Variants in ASIC2 observed in about 807,000 individuals in gnomAD.
The protein encoded by ASIC2 is acid sensing ion channel subunit 2.
ASIC2 carries 25 observed loss-of-function variants against 57.3 expected under a neutral mutation model. The observed-to-expected ratio is 0.44, with a 90% confidence interval of 0.32 to 0.61. The LOEUF (loss-of-function observed/expected upper bound fraction) is 0.61. Among genes scored for constraint, ASIC2 ranks in the 20% least tolerant of loss-of-function variants. The probability of loss-of-function intolerance (pLI) is 0.06; values close to 1 mark genes in which losing one functional copy is unlikely to be tolerated. For missense variants in ASIC2, 641 were observed against 738.1 expected, an observed-to-expected ratio of 0.87 and a Z score of 1.52; for synonymous variants, 319 against 307.5, an observed-to-expected ratio of 1.04 and a Z score of -0.39.
intron 1 of ASIC2, among the ~76,000 whole-genome samples, chr17:33,271,504 C>T (rs1904491106): frequency 1.3e-5 from 2 of 152,238 alleles, no homozygotes; most frequent in Admixed American, 6.5e-5. Context: ...TAATCTCCCC[C>T]AGCCTTCCAT....
chr17:33,205,677 G>A (rs1430367299), intron 1 of ASIC2, among the ~76,000 whole-genome samples: 1 of 152,202 alleles, frequency 6.6e-6, no homozygotes, highest in African/African-American at 2.4e-5. Context: ...CTGGCCTCTT[G>A]CTGGAGGCAG....
chr17:33,285,923 C>T (rs1905148862), intron 1 of ASIC2, among the ~76,000 whole-genome samples: 1 of 152,242 alleles, frequency 6.6e-6, no homozygotes, highest in East Asian at 1.9e-4. Context: ...TCAAAATTCT[C>T]ACCGCAAGTC....
intron 1 of ASIC2, among the ~76,000 whole-genome samples, chr17:33,448,853 G>A (rs1208000180): frequency 3.9e-5 from 6 of 152,238 alleles, no homozygotes; most frequent in African/African-American, 1.2e-4. Context: ...CTAGGTGTGC[G>A]ATAAATGGTT....
intron 1 of ASIC2, chr17:34,070,387 A>C (rs1340164798): frequency 6.6e-6 from 1 of 152,124 alleles, no homozygotes; most frequent in African/African-American, 2.4e-5. Flanking sequence ...ATTTGGGTAC[A>C]TGATTCCCCT....
chr17:33,988,794 C>T (rs117943808), intron 1 of ASIC2, among the ~76,000 whole-genome samples: 4,105 of 152,132 alleles, frequency 0.027, 76 homozygotes, highest in Non-Finnish European at 0.038. Flanking sequence ...GACCTGGGAG[C>T]TAAGTTATCC....
At chr17:34,001,642 T>A (rs190121785) in intron 1 of ASIC2, 4 of 152,514 alleles carry the variant, frequency 2.6e-5, no homozygotes, top group Admixed American at 2.0e-4. Context: ...CCTAATGCCA[T>A]GGTCCATGGC....
intron 1 of ASIC2, among the ~76,000 whole-genome samples, chr17:33,782,665 G>A (rs1160669781): frequency 6.6e-6 from 1 of 152,122 alleles, no homozygotes; most frequent in Non-Finnish European, 1.5e-5. Flanking sequence ...GGAAGTCGAG[G>A]CTGCACTGAG....
At chr17:33,583,260 A>T (rs1263386364) in intron 1 of ASIC2, among the ~76,000 whole-genome samples, 1 of 152,258 alleles carries the variant, frequency 6.6e-6, no homozygotes. Context: ...ACAGGGACAG[A>T]TGATCTGCAT....
chr17:34,143,640 T>A (rs1377337590), intron 1 of ASIC2, among the ~76,000 whole-genome samples: 2 of 152,208 alleles, frequency 1.3e-5, no homozygotes, highest in African/African-American at 4.8e-5. Flanking sequence ...TCTGGGCTGA[T>A]GTCATGCATC....
At chr17:33,787,955 A>T (rs1911655845) in intron 1 of ASIC2, among the ~76,000 whole-genome samples, 1 of 152,214 alleles carries the variant, frequency 6.6e-6, no homozygotes, top group African/African-American at 2.4e-5. Flanking sequence ...AACCATAAAA[A>T]CCCTAGAAGA....
chr17:33,898,110 C>T (rs12936814), intron 1 of ASIC2, among the ~76,000 whole-genome samples: 7,699 of 151,920 alleles, frequency 0.051, 422 homozygotes, highest in East Asian at 0.29. Flanking sequence ...ATTTTATCCC[C>T]AGGGGAGGTG....
At chr17:34,078,621 C>T (rs1909759080) in intron 1 of ASIC2, among the ~76,000 whole-genome samples, 1 of 152,140 alleles carries the variant, frequency 6.6e-6, no homozygotes, top group African/African-American at 2.4e-5. Flanking sequence ...AAAGGGATTG[C>T]CATAGAAACA....
At chr17:33,449,290 G>T (rs1304055436) in intron 1 of ASIC2, among the ~76,000 whole-genome samples, 2 of 152,014 alleles carry the variant, frequency 1.3e-5, no homozygotes, top group African/African-American at 4.8e-5. Context: ...CTCCCCTCTA[G>T]CCTTAGACAT....
intron 1 of ASIC2, among the ~76,000 whole-genome samples, chr17:33,543,282 A>G (rs1157905116): frequency 6.2e-5 from 7 of 113,522 alleles, no homozygotes; most frequent in African/African-American, 2.8e-4. Flanking sequence ...AACTTAAAGT[A>G]TAATAAAACA....
chr17:33,672,255 G>A (rs1359390028), intron 1 of ASIC2, among the ~76,000 whole-genome samples: 1 of 152,108 alleles, frequency 6.6e-6, no homozygotes, highest in Non-Finnish European at 1.5e-5. Context: ...AAGCAACTGT[G>A]CAGGAAGGAA....
chr17:33,337,526 A>G (rs1055068933), intron 1 of ASIC2, among the ~76,000 whole-genome samples: 4 of 152,246 alleles, frequency 2.6e-5, no homozygotes, highest in Non-Finnish European at 4.4e-5. Context: ...AGTTTGCTCA[A>G]CTGTTCAAAG....
chr17:33,138,433 A>C (rs1031351798), intron 1 of ASIC2, among the ~76,000 whole-genome samples: 2 of 152,220 alleles, frequency 1.3e-5, no homozygotes, highest in Non-Finnish European at 2.9e-5. Context: ...CCCAGAGATT[A>C]CACCCAGCAA....
At chr17:33,900,549 T>C (rs373508526) in intron 1 of ASIC2, among the ~76,000 whole-genome samples, 4 of 152,326 alleles carry the variant, frequency 2.6e-5, no homozygotes, top group East Asian at 3.9e-4. Flanking sequence ...TTTTGACTCA[T>C]GAGAAGTAAA....
intron 1 of ASIC2, among the ~76,000 whole-genome samples, chr17:33,669,937 G>T (rs1907593533): frequency 1.3e-5 from 2 of 152,172 alleles, no homozygotes; most frequent in Admixed American, 1.3e-4. Flanking sequence ...TCTGAAAAAG[G>T]GAGAGGCTGA....
Sources: gnomAD v4.1 joint callset for allele counts (sites outside exome capture counted in the v4.1 genomes callset) on GRCh38, gnomAD v4.1.1 for gene constraint, MANE v1.5 for transcripts, NCBI Gene and HGNC (gene_info 2026-07-23, HGNC 2026-07-21) for gene names.